NAPRT: variants seen among roughly 807,000 people sequenced by gnomAD.
The protein encoded by NAPRT is nicotinate phosphoribosyltransferase.
Under a neutral mutation model 60.7 loss-of-function variants are expected in NAPRT, and 66 were observed. The observed-to-expected ratio is 1.09, with a 90% CI of 0.89 to 1.33. The LOEUF (loss-of-function observed/expected upper bound fraction) is 1.33. Among genes scored for constraint, NAPRT ranks in the 40% most tolerant of loss-of-function variants. NAPRT has a pLI of 0.00. For missense variants in NAPRT, 818 were observed against 731.5 expected (o/e 1.12, Z -1.36); for synonymous variants, 405 against 335.7 (o/e 1.21, Z -2.26).
rs1296583576 is a variant in NAPRT, at chr8:143,576,482, C to G, written c.972G>C (p.Leu324=). 1.9e-6 allele frequency: 3 copies of G among 1,612,426 alleles called. 1 individual carries two copies. In the South Asian group the frequency reaches 3.3e-5, roughly 18 times the overall value. Reference sequence around the variant, plus strand: ...TGCGGATCTCCTGAGCCTGCTGTAGCAGGTCACCACTGTCCAGCCTCACGC... The same window carrying G: ...TGCGGATCTCCTGAGCCTGCTGTAGGAGGTCACCACTGTCCAGCCTCACGC... ...AVGVRLDSGD[L]LQQAQEIRKV... is the part of the protein sequence containing the mutation. Residue 324 remains leucine, a synonymous_variant, in exon 7 of 13, where the codon CTG becomes CTC. Transcript: ENST00000449291.
chr8:143,576,112 A>C lies in NAPRT; in HGVS notation c.1073T>G (p.Ile358Ser), dbSNP rs758506503. 3.1e-6 allele frequency: 5 copies of C among 1,605,918 alleles called. No homozygotes were observed. Residue 358 changes from isoleucine (I) to serine (S), a missense_variant, in exon 8 of 13, where the codon ATT becomes AGT. Physicochemically the swap from Ile to Ser is moderately radical, Grantham distance 142 (BLOSUM62 -2). Transcript: ENST00000449291. ...ESVLIVVSNN[I>S]DEEALARLAQ... ...CAGTCGGGCCAGCGCCTCCTCGTCA[A>C]TGTTGTTGCTGACTACGATGAGGAC... is the stretch of plus-strand genomic sequence containing the variant.
Position 143,574,918 on chromosome 8 carries a change from C to T in NAPRT, c.1555-18G>A. On this transcript the variant is annotated intron_variant, in intron 12 of 12. Transcript: ENST00000449291. ...AGCACCACCTGCAGGGAGCAGAGGA[C>T]AGGAGCGGTGGGCAGGGTGAGGGCG... The T allele has an allele frequency of 2.6e-6, 4 of 1,550,586 alleles. No individual in the cohort carries two copies. The African/African-American group carries it at 4.1e-5, about 16-fold the overall frequency.
chr8:143,576,029 C>A (rs546482925), intron 8 of NAPRT, 49 bp downstream of exon 8: 4 of 1,454,066 alleles, frequency 2.8e-6, no homozygotes, highest in Admixed American at 4.5e-5. Context: ...CCTGCAGGGG[C>A]CCCCAGAGCC....
rs2130690257 is a variant in NAPRT at position 143,575,453 on chromosome 8, T to C, written c.1261A>G (p.Lys421Glu). The C allele has an allele frequency of 6.3e-7, 1 of 1,593,984 alleles. No individual in the cohort carries two copies. Among genetic ancestry groups the C allele is most frequent in the Non-Finnish European group, 8.6e-7 (1 of 1,164,164 alleles). The change falls in exon 10 of 13, where the codon AAG (lysine) becomes GAG (glutamate). Residue 421 changes from lysine to glutamate, a missense_variant. Physicochemically the swap from Lys to Glu is moderately conservative, Grantham distance 56. Coordinates refer to ENST00000449291, the MANE Select transcript of NAPRT (RefSeq NM_145201.6). Reference protein sequence around the residue: ...DPEKQTLPGSKAAFRLLGSDG... With the variant: ...DPEKQTLPGSEAAFRLLGSDG... ...GAGCCCAGGAGCCGGAAAGCAGCCT[T>C]GCTCCCAGGCAACGTCTGCTTCTCG...
chr8:143,576,694 G>C lies in NAPRT; in HGVS notation c.833C>G (p.Ala278Gly). 5 of 1,611,168 alleles carry C rather than the reference G, an allele frequency of 3.1e-6. No individual in the cohort carries two copies. Among genetic ancestry groups the C allele is most frequent in the Non-Finnish European group, 4.2e-6 (5 of 1,179,526 alleles). Residue 278 changes from alanine (A) to glycine (G), a missense_variant, in exon 6 of 13, where the codon GCT becomes GGT. Ala to Gly is a moderately conservative substitution (Grantham distance 60, BLOSUM62 0). Coordinates refer to ENST00000449291, the MANE Select transcript of NAPRT (RefSeq NM_145201.6). ...ERAAFVAYAL[A>G]FPRAFQGLLD... ...GAGGCCCTGGAAGGCCCGGGGAAAA[G>C]CCAAGGCATAGGCCACAAAGGCTGC...
Position 143,577,418 on chromosome 8 carries a change from CAG to C in NAPRT, c.438-21_438-20del, listed in dbSNP as rs756120327. On this transcript the variant is annotated intron_variant, in intron 3 of 12. Coordinates refer to ENST00000449291, the MANE Select transcript of NAPRT (RefSeq NM_145201.6). ...CACCAGGCTGTGGGGAGCCAAGAGTCAGGGGGTCCCAGGGTGAGGATCACTAG... is the reference window on the plus strand; with the variant it reads ...CACCAGGCTGTGGGGAGCCAAGAGTCGGGGTCCCAGGGTGAGGATCACTAG... 5 of 1,595,086 alleles carry C rather than the reference CAG, an allele frequency of 3.1e-6. No individual in the cohort carries two copies. In the East Asian group the frequency reaches 1.1e-4, roughly 36 times the overall value.
Position 143,575,081 on chromosome 8 carries a change from G to A in NAPRT, c.1459C>T (p.Leu487Phe), listed in dbSNP as rs755499978. 21 of 1,513,854 alleles carry A rather than the reference G, an allele frequency of 1.4e-5. No individual in the cohort carries two copies. The highest frequency in any genetic ancestry group is 7.1e-6 in the Non-Finnish European group (8 of 1,126,124). The allele number at this position is 1,513,854 out of a possible 1,614,324, so 93.8% of individuals were successfully genotyped here. A position where few individuals can be genotyped will look rare whatever the true frequency, so the allele number is the denominator to read the frequency against. The stretch of plus-strand genomic sequence containing the variant: ...GCTCTAGACTCTGCCAGGGATGGGA[G>A]CGGCTCACACAGCTGCAGGGAGGAG... ...CLQQGQLCEP[L>F]PSLAESRALA... The change falls in exon 12 of 13, where the codon CTC (leucine) becomes TTC (phenylalanine). Residue 487 changes from leucine (L) to phenylalanine (F), a missense_variant. Physicochemically the swap from Leu to Phe is conservative, Grantham distance 22. Coordinates refer to ENST00000449291, the MANE Select transcript of NAPRT (RefSeq NM_145201.6).
chr8:143,578,098 T>C lies in NAPRT; in HGVS notation c.221A>G (p.Asp74Gly), dbSNP rs761052158. The C allele has an allele frequency of 2.0e-6, 3 of 1,521,648 alleles. No homozygotes were observed. Among genetic ancestry groups the C allele is most frequent in the Admixed American group, 2.2e-5 (1 of 45,926 alleles). 94.3% of individuals were successfully genotyped at this position (1,521,648 alleles called of 1,614,324 possible). Residue 74 changes from aspartate to glycine, a missense_variant, in exon 1 of 13, where the codon GAC becomes GGC. Physicochemically the swap from Asp to Gly is moderately conservative, Grantham distance 94 (BLOSUM62 -1). Coordinates refer to ENST00000449291, the MANE Select transcript of NAPRT (RefSeq NM_145201.6). ...VRFLRAFRLR[D>G]ADVQFLASVL... is the part of the protein sequence containing the mutation. Reference sequence around the variant, plus strand: ...TCGCGCGGACGGGGGACTACCGGCGTCCCGCAGGCGGAAGGCGCGCAGGAA... The same window carrying C: ...TCGCGCGGACGGGGGACTACCGGCGCCCCGCAGGCGGAAGGCGCGCAGGAA...
Position 143,575,033 on chromosome 8 carries a change from G to A in NAPRT, c.1507C>T (p.Arg503Ter), listed in dbSNP as rs868288257. ...AGCCGCCTGTGCTCAGGGCTGAGTC[G>A]GCTCAGGGACAGCTGGGCCAAGGCT... ...SRALAQLSLS[R>*]LSPEHRRLRS... The change falls in exon 12 of 13, where the codon CGA (arginine) becomes TGA (stop). Residue 503 changes from arginine (R) to a stop codon, truncating the protein, a stop_gained. Transcript: ENST00000449291. LOFTEE classifies it low-confidence loss of function (END_TRUNC). 16 of 1,509,906 alleles carry A rather than the reference G, an allele frequency of 1.1e-5. No individual in the cohort carries two copies. The highest frequency in any genetic ancestry group is 9.7e-5 in the African/African-American group (7 of 72,242). The allele number at this position is 1,509,906 out of a possible 1,614,324, so 93.5% of individuals were successfully genotyped here.
Position 143,576,146 on chromosome 8 carries a change from G to C in NAPRT, c.1039C>G (p.Leu347Val). The change falls in exon 8 of 13, where the codon CTG (leucine) becomes GTG (valine). Residue 347 changes from leucine to valine, a missense_variant. Transcript: ENST00000449291. ...CTGACTACGATGAGGACTGACTCCA[G>C]CCAGGGCACCTGGAACCTGCCGCGT... is the stretch of plus-strand genomic sequence containing the variant. ...AAAAQFQVPW[L>V]ESVLIVVSNN... The C allele has an allele frequency of 1.2e-6, 2 of 1,601,742 alleles. No homozygotes were observed. The highest frequency in any genetic ancestry group is 1.7e-6 in the Non-Finnish European group (2 of 1,172,302).
In NAPRT at chr8:143,576,178, A is replaced by C; in HGVS notation, c.1023-16T>G. On this transcript the variant is annotated splice_polypyrimidine_tract_variant and intron_variant, in intron 7 of 12. Transcript: ENST00000449291. ...CACCTGGAACCTGCCGCGTGGGTGG[A>C]GAAAGGGTGGGGGCCACCCCTCGGG... The C allele has an allele frequency of 6.3e-7, 1 of 1,582,734 alleles. No individual in the cohort carries two copies. Among genetic ancestry groups the C allele is most frequent in the South Asian group, 1.1e-5 (1 of 87,678 alleles).
At chr8:143,577,429 AG>A (rs1412538460) in intron 3 of NAPRT, 30 bp from the exon 4 acceptor site, 19 of 1,590,582 alleles carry the variant, frequency 1.2e-5, no homozygotes, top group Non-Finnish European at 1.6e-5. Context: ...AGGGGGTCCC[AG>A]GGTGAGGATC....
Position 143,576,722 on chromosome 8 carries a change from G to C in NAPRT, c.805C>G (p.Arg269Gly), listed in dbSNP as rs753714962. 1.2e-6 allele frequency: 2 copies of C among 1,609,164 alleles called. No homozygotes were observed. Among genetic ancestry groups the C allele is most frequent in the Non-Finnish European group, 1.7e-6 (2 of 1,179,010 alleles). Residue 269 changes from arginine (R) to glycine (G), a missense_variant, in exon 6 of 13, where the codon CGG becomes GGG. Physicochemically the swap from Arg to Gly is moderately radical, Grantham distance 125 (BLOSUM62 -2). Transcript: ENST00000449291. ...LGVQEPHPGE[R>G]AAFVAYALAF... ...AAGGCATAGGCCACAAAGGCTGCCC[G>C]CTCGCCTGGATGCGGCTCCTGCACC...
Position 143,576,558 on chromosome 8 carries a change from T to C in NAPRT, c.896A>G (p.Asn299Ser), listed in dbSNP as rs370157447. 161 of 1,611,172 alleles carry C rather than the reference T, an allele frequency of 1.0e-4. No individual in the cohort carries two copies. Among genetic ancestry groups the C allele is most frequent in the Non-Finnish European group, 1.3e-4 (155 of 1,179,280 alleles). ...TYSVWRSGLP[N>S]FLAVALALGE... is the part of the protein sequence containing the mutation. ...CAGGGCCAGGGCGACTGCTAGGAAG[T>C]TGGGGAGACCACTCCTGCAGAAATA... The change falls in exon 7 of 13, where the codon AAC becomes AGC. Residue 299 changes from asparagine (N) to serine (S), a missense_variant. Coordinates refer to ENST00000449291, the MANE Select transcript of NAPRT (RefSeq NM_145201.6).
Position 143,578,184 on chromosome 8 carries a change from G to C in NAPRT, c.135C>G (p.Phe45Leu), listed in dbSNP as rs1368620192. ...ARDAAEFELF[F>L]RRCPFGGAFA... ...AGGCGCCGCCGAACGGGCAGCGGCG[G>C]AAGAAGAGCTCGAACTCGGCGGCGT... The change falls in exon 1 of 13, where the codon TTC (phenylalanine) becomes TTG (leucine). Residue 45 changes from phenylalanine to leucine, a missense_variant. Physicochemically the swap from Phe to Leu is conservative, Grantham distance 22. Transcript: ENST00000449291. 8 of 1,515,766 alleles carry C rather than the reference G, an allele frequency of 5.3e-6. No individual in the cohort carries two copies. The South Asian group carries it at 9.8e-5, about 19-fold the overall frequency. 93.9% of individuals were successfully genotyped at this position (1,515,766 alleles called of 1,614,324 possible).
chr8:143,574,942 C>T (rs1248454776), intron 12 of NAPRT, 42 bp from the exon 13 acceptor site: 11 of 1,549,644 alleles, frequency 7.1e-6, no homozygotes, highest in Admixed American at 3.9e-5. Context: ...AGGGTGAGGG[C>T]GGGGGCGCAC....
chr8:143,578,012 CG>C (rs1046572271), intron 1 of NAPRT, 69 bp from the exon 2 acceptor site: 50 of 1,517,260 alleles, frequency 3.3e-5, no homozygotes, highest in African/African-American at 5.7e-5. Context: ...GGGGGTTCCA[CG>C]GGGGGACAAG....
rs1386460277 is a variant in NAPRT at position 143,576,723 on chromosome 8, C to G, written c.804G>C (p.Glu268Asp). 1.9e-6 allele frequency: 3 copies of G among 1,609,444 alleles called. No homozygotes were observed. In the African/African-American group the frequency reaches 4.0e-5, roughly 21 times the overall value. ...GLGVQEPHPG[E>D]RAAFVAYALA... ...AGGCATAGGCCACAAAGGCTGCCCG[C>G]TCGCCTGGATGCGGCTCCTGCACCC... is the stretch of plus-strand genomic sequence containing the variant. Residue 268 changes from glutamate (E) to aspartate (D), a missense_variant, in exon 6 of 13, where the codon GAG (glutamate) becomes GAC (aspartate). Glu to Asp is a conservative substitution (Grantham distance 45). Coordinates refer to ENST00000449291, the MANE Select transcript of NAPRT (RefSeq NM_145201.6).
Position 143,575,664 on chromosome 8 carries a change from C to T in NAPRT, c.1146G>A (p.Val382=). ...GGGAAGGCTGTTGGGGGCAGGTGAC[C>T]ACACTGGTGCCAATGCCAATGACAT... is the stretch of plus-strand genomic sequence containing the variant. ...EVNVIGIGTS[V]VTCPQQPSLG... Residue 382 remains valine, a synonymous_variant, in exon 9 of 13, where the codon GTG becomes GTA. Transcript: ENST00000449291. The T allele has an allele frequency of 6.3e-7, 1 of 1,595,396 alleles. No homozygotes were observed. Among genetic ancestry groups the T allele is most frequent in the Non-Finnish European group, 8.5e-7 (1 of 1,171,950 alleles).
Sources: gnomAD v4.1 joint callset for allele counts on GRCh38, gnomAD v4.1.1 for gene constraint, MANE v1.5 for transcripts, NCBI Gene and HGNC (gene_info 2026-07-23, HGNC 2026-07-21) for gene names.